The following SOCS6 variants were observed in gnomAD, a reference collection of about 807,000 sequenced individuals.
SOCS6 encodes the protein STAT induced STAT inhibitor-4.
Under a neutral mutation model 27.7 loss-of-function variants are expected in SOCS6, and 5 were observed. The observed-to-expected ratio is 0.18, with a 90% CI of 0.09 to 0.38. The LOEUF (loss-of-function observed/expected upper bound fraction) is 0.38. Ranked by LOEUF, SOCS6 falls within the 10% of genes least tolerant of loss-of-function variation. The pLI is 1.00. For missense variants in SOCS6, 595 were observed against 688.1 expected, an observed-to-expected ratio of 0.86 and a Z score of 1.51; for synonymous variants, 271 against 260.0, an observed-to-expected ratio of 1.04 and a Z score of -0.41.
rs1008304244 is a variant in SOCS6, at chr18:70,327,077, A to G, written c.*801A>G. On this transcript the variant is annotated 3_prime_UTR_variant, in exon 2 of 2. Transcript: ENST00000397942. Reference sequence around the variant, plus strand: ...ACAAATTGGCATAACATGAAAACCTATGGAACTAGAATTATTATTAAAGAA... The same window carrying G: ...ACAAATTGGCATAACATGAAAACCTGTGGAACTAGAATTATTATTAAAGAA... The G allele has an allele frequency of 4.2e-5, 7 of 166,890 alleles. No individual in the cohort carries two copies. The highest frequency in any genetic ancestry group is 2.0e-4 in the Admixed American group (3 of 15,304). The allele number at this position is 166,890 out of a possible 1,614,324, so 10.3% of individuals were successfully genotyped here.
intron 1 of SOCS6, among the ~76,000 whole-genome samples, chr18:70,297,266 C>T (rs564065868): frequency 2.0e-5 from 3 of 152,056 alleles, no homozygotes; most frequent in South Asian, 4.2e-4. Flanking sequence ...TGTCATCTGC[C>T]GTAATTCGCT....
At chr18:70,315,763 T>A (rs1178436531) in intron 1 of SOCS6, among the ~76,000 whole-genome samples, 2 of 152,232 alleles carry the variant, frequency 1.3e-5, no homozygotes, top group African/African-American at 4.8e-5. Flanking sequence ...TTTCTTTTAA[T>A]TCCTTACCAG....
rs758267776 is a variant in SOCS6 at position 70,325,086 on chromosome 18, C to T, written c.418C>T (p.Arg140Trp). 10 of 1,614,040 alleles carry T rather than the reference C, an allele frequency of 6.2e-6. No homozygotes were observed. The highest frequency in any genetic ancestry group is 5.0e-5 in the Admixed American group (3 of 60,032). Reference protein sequence around the residue: ...HHYSPAPWPLRPTNSEETCIK... With the variant: ...HHYSPAPWPLWPTNSEETCIK... The stretch of plus-strand genomic sequence containing the variant: ...CTACAGTCCCGCGCCGTGGCCTCTG[C>T]GGCCCACAAACTCCGAGGAGACCTG... The change falls in exon 2 of 2, where the codon CGG becomes TGG. Residue 140 changes from arginine to tryptophan, a missense_variant. By Grantham distance (101) the Arg-to-Trp change is moderately radical. Around this residue, in one of 2 missense-constraint regions of SOCS6, gnomAD observed 467 missense variants for 481.1 expected, o/e 0.97. Transcript: ENST00000397942. This position sits in a 1 kb window ranked among gnomAD's most constrained non-coding sequence, Gnocchi z 6.3.
intron 1 of SOCS6, among the ~76,000 whole-genome samples, chr18:70,300,395 C>G (rs1288646693): frequency 6.6e-6 from 1 of 152,154 alleles, no homozygotes; most frequent in South Asian, 2.1e-4. Context: ...TCCCAAAGTG[C>G]TGGGATTACA....
At chr18:70,313,495 T>C (rs1424138810) in intron 1 of SOCS6, among the ~76,000 whole-genome samples, 1 of 152,090 alleles carries the variant, frequency 6.6e-6, no homozygotes, top group Non-Finnish European at 1.5e-5. Context: ...CTCCAACTTT[T>C]ATATTTTTTA....
chr18:70,292,717 C>T (rs2062305514), intron 1 of SOCS6, among the ~76,000 whole-genome samples: 1 of 152,180 alleles, frequency 6.6e-6, no homozygotes, highest in South Asian at 2.1e-4. Flanking sequence ...TCATTTCTCC[C>T]TAATTCTCAT....
chr18:70,301,303 A>T (rs1161960644), intron 1 of SOCS6, among the ~76,000 whole-genome samples: 1 of 152,160 alleles, frequency 6.6e-6, no homozygotes, highest in Non-Finnish European at 1.5e-5. Flanking sequence ...AATGCAGGAG[A>T]AAGAGGATGG....
At position 70,325,717 on chromosome 18, in the gene SOCS6, C is replaced by T; in HGVS notation, c.1049C>T (p.Ser350Phe). Residue 350 changes from serine to phenylalanine, a missense_variant, in exon 2 of 2, where the codon TCT (serine) becomes TTT (phenylalanine). Ser to Phe is a radical substitution (Grantham distance 155). This residue lies in a region of SOCS6 where 467 missense variants were observed against 481.1 expected (regional missense o/e 0.97). Coordinates refer to ENST00000397942, the MANE Select transcript of SOCS6 (RefSeq NM_004232.4). This position sits in a 1 kb window ranked among gnomAD's most constrained non-coding sequence, Gnocchi z 6.3. ...TGTCATTTGAATTTTGATCCGAACT[C>T]TGCTCCTGGGGTTGCAAGAGTTTAT... ...MRCHLNFDPN[S>F]APGVARVYDS... The T allele has an allele frequency of 6.2e-7, 1 of 1,614,240 alleles. No individual in the cohort carries two copies.
rs1421916531 is a variant in SOCS6, at chr18:70,325,634, C to G, written c.966C>G (p.Ile322Met). 4 of 1,614,184 alleles carry G rather than the reference C, an allele frequency of 2.5e-6. No homozygotes were observed. The South Asian group carries it at 4.4e-5, about 18-fold the overall frequency. ...TACCTCCAATGCAGAATAATCAAATCCAAAGGAACTTCAGTGGACTCACTG... is the reference window on the plus strand; with the variant it reads ...TACCTCCAATGCAGAATAATCAAATGCAAAGGAACTTCAGTGGACTCACTG... ...PLLPPMQNNQ[I>M]QRNFSGLTGT... Residue 322 changes from isoleucine to methionine, a missense_variant, in exon 2 of 2, where the codon ATC (isoleucine) becomes ATG (methionine). Physicochemically the swap from Ile to Met is conservative, Grantham distance 10. This residue lies in a region of SOCS6 where 467 missense variants were observed against 481.1 expected (regional missense o/e 0.97). Transcript: ENST00000397942. This position sits in a 1 kb window ranked among gnomAD's most constrained non-coding sequence, Gnocchi z 6.3.
chr18:70,293,766 AATG>A (rs1358522461), intron 1 of SOCS6, among the ~76,000 whole-genome samples: 1 of 152,190 alleles, frequency 6.6e-6, no homozygotes, highest in East Asian at 1.9e-4. Context: ...CGTATATAAT[AATG>A]ATGATGTTTC....
intron 1 of SOCS6, among the ~76,000 whole-genome samples, chr18:70,302,364 A>G (rs936762967): frequency 2.6e-5 from 4 of 151,952 alleles, no homozygotes; most frequent in African/African-American, 9.7e-5. Flanking sequence ...GAGAAAAGAG[A>G]GGGAAGGTGT....
rs993625705 is a variant in SOCS6, at chr18:70,327,341, C to T, written c.*1065C>T. ...TTAAAGTTGGATTTATATTTTTCTT[C>T]TATGTAGTTACTATAAAAGTGTGCT... On this transcript the variant is annotated 3_prime_UTR_variant, in exon 2 of 2. Transcript: ENST00000397942. The T allele has an allele frequency of 6.0e-6, 1 of 166,592 alleles. No individual in the cohort carries two copies. The highest frequency in any genetic ancestry group is 1.5e-5 in the Non-Finnish European group (1 of 68,058). The allele number at this position is 166,592 out of a possible 1,614,324, so 10.3% of individuals were successfully genotyped here. A position where few individuals can be genotyped will look rare whatever the true frequency, so the allele number is the denominator to read the frequency against.
At position 70,326,156 on chromosome 18, in the gene SOCS6, G is replaced by C. The variant is rs1358488382; in HGVS notation, c.1488G>C (p.Gln496His). Residue 496 changes from glutamine to histidine, a missense_variant, in exon 2 of 2, where the codon CAG (glutamine) becomes CAC (histidine). Coordinates refer to ENST00000397942, the MANE Select transcript of SOCS6 (RefSeq NM_004232.4). ...RLTNPVSRFMQVRSLQYLCRF... is the reference protein window; with the variant it reads ...RLTNPVSRFMHVRSLQYLCRF... ...CCAACCCAGTGTCCCGGTTCATGCA[G>C]GTGCGCTCGTTGCAGTACCTGTGTC... is the stretch of plus-strand genomic sequence containing the variant. The C allele has an allele frequency of 1.2e-6, 2 of 1,614,208 alleles. No individual in the cohort carries two copies. Among genetic ancestry groups the C allele is most frequent in the East Asian group, 2.2e-5 (1 of 44,888 alleles).
chr18:70,301,364 T>A (rs1028481927), intron 1 of SOCS6, among the ~76,000 whole-genome samples: 7 of 152,118 alleles, frequency 4.6e-5, no homozygotes, highest in Admixed American at 3.9e-4. Context: ...GCATATGTTT[T>A]GGAGGTAGCT....
intron 1 of SOCS6, among the ~76,000 whole-genome samples, chr18:70,316,889 G>C (rs1019145982): frequency 6.6e-6 from 1 of 152,148 alleles, no homozygotes; most frequent in Non-Finnish European, 1.5e-5. Flanking sequence ...CTCTGTATCA[G>C]TCTAAATGAT....
chr18:70,315,087 C>T (rs2062406259), intron 1 of SOCS6, among the ~76,000 whole-genome samples: 1 of 152,138 alleles, frequency 6.6e-6, no homozygotes, highest in Non-Finnish European at 1.5e-5. Flanking sequence ...TTTCTCCCTA[C>T]CACTCCCAAT....
chr18:70,309,022 T>G (rs910349546), intron 1 of SOCS6, among the ~76,000 whole-genome samples: 2 of 152,198 alleles, frequency 1.3e-5, no homozygotes, highest in Admixed American at 6.5e-5. Flanking sequence ...ACTTTTTGAG[T>G]AGAGTGACAT....
intron 1 of SOCS6, among the ~76,000 whole-genome samples, chr18:70,291,863 T>C (rs2062300990): frequency 6.6e-6 from 1 of 152,236 alleles, no homozygotes; most frequent in Non-Finnish European, 1.5e-5. Context: ...GGAGAAACTT[T>C]CTTATATGGC....
chr18:70,328,140 GA>G lies in SOCS6; in HGVS notation c.*1866del, dbSNP rs1233914131. On this transcript the variant is annotated 3_prime_UTR_variant, in exon 2 of 2. Coordinates refer to ENST00000397942, the MANE Select transcript of SOCS6 (RefSeq NM_004232.4). ...GTTCATTATAAGCTATTTGGATTAA[GA>G]ACTATTGCAGAGTTGTAAGCTTGTT... is the stretch of plus-strand genomic sequence containing the variant. The G allele has an allele frequency of 1.8e-5, 3 of 166,460 alleles. No individual in the cohort carries two copies. Among genetic ancestry groups the G allele is most frequent in the African/African-American group, 7.2e-5 (3 of 41,440 alleles). 10.3% of individuals were successfully genotyped at this position (166,460 alleles called of 1,614,324 possible).
Sources: gnomAD v4.1 joint callset for allele counts (sites outside exome capture counted in the v4.1 genomes callset) on GRCh38, gnomAD v4.1.1 for gene constraint, gnomAD v4.1.1 regional missense constraint, Gnocchi (gnomAD v3.1) non-coding constraint, MANE v1.5 for transcripts, NCBI Gene and HGNC (gene_info 2026-07-23, HGNC 2026-07-21) for gene names.